SLC26A5: variants seen among roughly 807,000 people sequenced by gnomAD.
SLC26A5 encodes solute carrier family 26 member 5, also known as prestin.
In SLC26A5, 51 loss-of-function variants were observed where a neutral mutation model predicts 81.0. That is an observed-to-expected ratio of 0.63 (90% CI 0.50 to 0.80). The LOEUF (loss-of-function observed/expected upper bound fraction) is 0.80, where lower values mean the gene tolerates loss of function less well. Ranked by LOEUF, SLC26A5 falls within the 30% of genes least tolerant of loss-of-function variation. SLC26A5 has a pLI of 0.00. For missense variants in SLC26A5, 771 were observed against 905.8 expected, an observed-to-expected ratio of 0.85 and a Z score of 1.91; for synonymous variants, 325 against 332.8, an observed-to-expected ratio of 0.98 and a Z score of 0.25.
intron 14 of SLC26A5, among the ~76,000 whole-genome samples, chr7:103,384,841 A>G (rs1235359425): frequency 3.3e-5 from 5 of 152,084 alleles, no homozygotes; most frequent in Non-Finnish European, 5.9e-5. Context: ...TAATTATAAT[A>G]ATTTGTGCCA....
chr7:103,413,239 C>T, intron 4 of SLC26A5, 127 bp from the exon 5 acceptor site: 1 of 708,206 alleles, frequency 1.4e-6, no homozygotes, highest in Middle Eastern at 2.3e-4. Context: ...CTGCAACCTG[C>T]CCTACCCCAG....
chr7:103,386,841 C>T (rs1274329429), intron 14 of SLC26A5, among the ~76,000 whole-genome samples: 1 of 151,928 alleles, frequency 6.6e-6, no homozygotes, highest in Non-Finnish European at 1.5e-5. Flanking sequence ...CAGCTCACTG[C>T]AACCTCCACC....
chr7:103,408,897 A>G (rs1586312671), intron 7 of SLC26A5, among the ~76,000 whole-genome samples: 1 of 152,204 alleles, frequency 6.6e-6, no homozygotes, highest in African/African-American at 2.4e-5. Context: ...ACCCTTTCCT[A>G]TCGATGCCTA....
At chr7:103,403,620 T>C (rs1039681804) in intron 8 of SLC26A5, among the ~76,000 whole-genome samples, 8 of 152,138 alleles carry the variant, frequency 5.3e-5, no homozygotes, top group South Asian at 4.1e-4. Flanking sequence ...TTTATCATTA[T>C]GTAATGCCCT....
intron 1 of SLC26A5, among the ~76,000 whole-genome samples, chr7:103,444,484 T>C (rs1827126318): frequency 6.7e-6 from 1 of 149,864 alleles, no homozygotes; most frequent in Admixed American, 6.6e-5. Flanking sequence ...AAATAGGCAG[T>C]GCACACCTGC....
chr7:103,362,647 T>C, intron 19 of SLC26A5: 1 of 1,547,148 alleles, frequency 6.5e-7, no homozygotes. Flanking sequence ...TTTGAAAGCT[T>C]AAAGAATGTA....
intron 19 of SLC26A5, among the ~76,000 whole-genome samples, chr7:103,359,278 G>C (rs1010036417): frequency 2.0e-5 from 3 of 150,368 alleles, no homozygotes; most frequent in African/African-American, 7.3e-5. Context: ...GATTACAGGT[G>C]TGAGCCACCG....
intron 19 of SLC26A5, among the ~76,000 whole-genome samples, chr7:103,355,409 G>T (rs566178115): frequency 1.3e-5 from 2 of 152,168 alleles, no homozygotes; most frequent in Non-Finnish European, 2.9e-5. Context: ...TTAGGGCAGG[G>T]TGTAGTTTTC....
chr7:103,357,602 C>T (rs1459620399), intron 19 of SLC26A5, among the ~76,000 whole-genome samples: 5 of 152,174 alleles, frequency 3.3e-5, no homozygotes, highest in Admixed American at 2.6e-4. Context: ...CCTTTCCTAT[C>T]CCCTCATCCT....
downstream of SLC26A5, among the ~76,000 whole-genome samples, chr7:103,373,358 G>C (rs1415077523): frequency 6.6e-6 from 1 of 152,148 alleles, no homozygotes; most frequent in African/African-American, 2.4e-5. Context: ...TCTTATCTAT[G>C]ATATAATCTA....
At chr7:103,409,063 T>C (rs1824280238) in intron 7 of SLC26A5, among the ~76,000 whole-genome samples, 1 of 152,230 alleles carries the variant, frequency 6.6e-6, no homozygotes, top group Non-Finnish European at 1.5e-5. Flanking sequence ...GGGACTCAAC[T>C]TAAATGTCAA....
chr7:103,371,414 T>C (rs1821028176), downstream of SLC26A5, among the ~76,000 whole-genome samples: 1 of 148,972 alleles, frequency 6.7e-6, no homozygotes, highest in South Asian at 2.1e-4. Context: ...AAGCTCCGCC[T>C]CCCGGGTTCA....
At chr7:103,393,332 C>A (rs1219280204) in intron 9 of SLC26A5, among the ~76,000 whole-genome samples, 1 of 152,118 alleles carries the variant, frequency 6.6e-6, no homozygotes, top group Non-Finnish European at 1.5e-5. Flanking sequence ...AAAGGAGTAA[C>A]CTCATACCTC....
intron 2 of SLC26A5, among the ~76,000 whole-genome samples, chr7:103,430,312 C>T (rs908562327): frequency 6.6e-6 from 1 of 152,182 alleles, no homozygotes. Flanking sequence ...CTCCTGACCT[C>T]AGGTGAGCCG....
In SLC26A5 at chr7:103,406,835, T is replaced by A. The variant is rs568497798; in HGVS notation, c.888+1016A>T. On this transcript the variant is annotated intron_variant, in intron 8 of 19. Coordinates refer to ENST00000306312, the MANE Select transcript of SLC26A5 (RefSeq NM_198999.3). ...CACATCTAATTTTTTGTATTTTTAG[T>A]AGAGACGGGGTTTCACCATGTTAGC... Among the ~76,000 whole-genome samples, 32 of 152,302 alleles carry A rather than the reference T, an allele frequency of 2.1e-4. No homozygotes were observed. The South Asian group carries it at 3.1e-3, about 15-fold the overall frequency.
chr7:103,412,897 T>C lies in SLC26A5; in HGVS notation c.403+105A>G, dbSNP rs1328899768. Reference sequence around the variant, plus strand: ...CTATTGTGTATGCAGTAACAAAAGTTGTTATTAAGACAATTTTTAATAATG... The same window carrying C: ...CTATTGTGTATGCAGTAACAAAAGTCGTTATTAAGACAATTTTTAATAATG... On this transcript the variant is annotated intron_variant, in intron 5 of 19. Coordinates refer to ENST00000306312, the MANE Select transcript of SLC26A5 (RefSeq NM_198999.3). The C allele has an allele frequency of 4.6e-6, 4 of 871,902 alleles. No individual in the cohort carries two copies. The East Asian group carries it at 1.0e-4, about 23-fold the overall frequency. 54.0% of individuals were successfully genotyped at this position (871,902 alleles called of 1,614,324 possible).
At chr7:103,355,806 G>A (rs577267093) in intron 19 of SLC26A5, 7 of 1,576,960 alleles carry the variant, frequency 4.4e-6, no homozygotes, top group Non-Finnish European at 6.1e-6. Context: ...ATGCACGGGT[G>A]CTCTGTGGCA....
intron 8 of SLC26A5, among the ~76,000 whole-genome samples, chr7:103,406,791 G>A (rs1824091176): frequency 6.6e-6 from 1 of 152,178 alleles, no homozygotes; most frequent in South Asian, 2.1e-4. Flanking sequence ...AAGTAGCTGG[G>A]ATTACAGGTG....
chr7:103,406,160 C>G (rs924667178), intron 8 of SLC26A5, among the ~76,000 whole-genome samples: 11 of 152,180 alleles, frequency 7.2e-5, no homozygotes. Flanking sequence ...GGCTCCCTGC[C>G]TTTAGCCCCC....
Sources: allele counts gnomAD v4.1 joint callset (sites outside exome capture counted in the v4.1 genomes callset), GRCh38; gene constraint gnomAD v4.1.1; transcripts MANE v1.5; gene names NCBI Gene and HGNC (gene_info 2026-07-23, HGNC 2026-07-21).